DPYD: variants seen among roughly 807,000 people sequenced by gnomAD.
DPYD encodes dihydropyrimidine dehydrogenase.
DPYD carries 109 observed loss-of-function variants against 116.2 expected under a neutral mutation model. That is an observed-to-expected ratio of 0.94 (90% CI 0.80 to 1.10). The LOEUF is 1.10. DPYD is among the 50% of genes least tolerant of loss of function. The pLI is 0.00. For synonymous variants in DPYD, 440 were observed against 432.0 expected (o/e 1.02, Z -0.23); for missense variants, 1,302 against 1,254.5 (o/e 1.04, Z -0.57).
chr1:97,888,148 A>G (rs1249550714), intron 1 of DPYD, among the ~76,000 whole-genome samples: 2 of 152,106 alleles, frequency 1.3e-5, no homozygotes, highest in African/African-American at 2.4e-5. Flanking sequence ...CCATATACAG[A>G]TATAAATCAC....
rs1557956319 is a variant in DPYD at position 97,229,574 on chromosome 1, AT to A, written c.2442+5277del. On this transcript the variant is annotated intron_variant, in intron 19 of 22. Coordinates refer to ENST00000370192, the MANE Select transcript of DPYD (RefSeq NM_000110.4). ...TATATATATATATATATATATATATATATATATATATATATACTGATTTTAA... is the reference window on the plus strand; with the variant it reads ...TATATATATATATATATATATATATAATATATATATATATACTGATTTTAA... Among the ~76,000 whole-genome samples, 388 of 84,468 alleles carry A rather than the reference AT, an allele frequency of 4.6e-3. 7 individuals carry two copies. Among genetic ancestry groups the A allele is most frequent in the African/African-American group, 7.9e-3 (255 of 32,248 alleles). The allele number at this position is 84,468 out of a possible 152,430, so 55.4% of individuals were successfully genotyped here. A position where few individuals can be genotyped will look rare whatever the true frequency, so the allele number is the denominator to read the frequency against.
chr1:97,589,490 T>C (rs1312948084), intron 10 of DPYD, among the ~76,000 whole-genome samples: 1 of 152,190 alleles, frequency 6.6e-6, no homozygotes, highest in East Asian at 1.9e-4. Context: ...CTTGCTTTCC[T>C]CCATGATCGT....
chr1:97,680,173 C>G (rs778127937), intron 7 of DPYD, among the ~76,000 whole-genome samples: 1 of 152,018 alleles, frequency 6.6e-6, no homozygotes, highest in Non-Finnish European at 1.5e-5. Context: ...GAAGTAATCC[C>G]TACATTGGGT....
At chr1:97,327,716 T>G (rs1668777291) in intron 16 of DPYD, among the ~76,000 whole-genome samples, 1 of 152,032 alleles carries the variant, frequency 6.6e-6, no homozygotes, top group African/African-American at 2.4e-5. Flanking sequence ...ATATATTTCA[T>G]ATAATAATTT....
At chr1:97,333,401 T>C (rs1669121036) in intron 16 of DPYD, among the ~76,000 whole-genome samples, 2 of 152,172 alleles carry the variant, frequency 1.3e-5, no homozygotes, top group South Asian at 4.2e-4. Flanking sequence ...AGTTTCACCA[T>C]GTTGGCCAGG....
chr1:97,381,729 C>A (rs912692277), intron 15 of DPYD, among the ~76,000 whole-genome samples: 3 of 152,156 alleles, frequency 2.0e-5, no homozygotes, highest in African/African-American at 7.2e-5. Flanking sequence ...GGAACCCCAG[C>A]TAAGACTCTC....
chr1:97,521,477 T>C (rs1411819842), intron 12 of DPYD, among the ~76,000 whole-genome samples: 8 of 152,260 alleles, frequency 5.3e-5, no homozygotes, highest in African/African-American at 1.9e-4. Context: ...AAAATGGCCA[T>C]ACTGCCTAAA....
chr1:97,735,820 C>G (rs1273454073), intron 4 of DPYD, among the ~76,000 whole-genome samples: 1 of 151,486 alleles, frequency 6.6e-6, no homozygotes, highest in African/African-American at 2.4e-5. Flanking sequence ...ATAATTGTAG[C>G]TCAAAACTCA....
chr1:97,536,212 G>A (rs967893618), intron 12 of DPYD, among the ~76,000 whole-genome samples: 1 of 152,160 alleles, frequency 6.6e-6, no homozygotes, highest in African/African-American at 2.4e-5. Context: ...ACTTAGCATG[G>A]AAACAGCATT....
At chr1:97,852,999 C>T (rs1211058439) in intron 2 of DPYD, among the ~76,000 whole-genome samples, 1 of 152,140 alleles carries the variant, frequency 6.6e-6, no homozygotes, top group Non-Finnish European at 1.5e-5. Context: ...CACTTCTAGG[C>T]AGAAGTCTCC....
intron 8 of DPYD, among the ~76,000 whole-genome samples, chr1:97,637,505 C>G (rs368711505): frequency 6.6e-6 from 1 of 150,578 alleles, no homozygotes; most frequent in Admixed American, 6.6e-5. Flanking sequence ...GTTTTCCCCC[C>G]CTCAACAACA....
At chr1:97,645,441 A>C (rs1308817073) in intron 8 of DPYD, among the ~76,000 whole-genome samples, 2 of 152,086 alleles carry the variant, frequency 1.3e-5, no homozygotes, top group East Asian at 3.9e-4. Context: ...TAGTGAATGG[A>C]TCCAACTCCA....
intron 8 of DPYD, among the ~76,000 whole-genome samples, chr1:97,644,090 AG>A (rs1440972425): frequency 6.6e-6 from 1 of 152,146 alleles, no homozygotes; most frequent in Non-Finnish European, 1.5e-5. Context: ...AATAAAAAAA[AG>A]AAAATTGTAT....
intron 20 of DPYD, among the ~76,000 whole-genome samples, chr1:97,150,718 T>TTCTA (rs1461346875): frequency 5.3e-5 from 8 of 152,192 alleles, no homozygotes; most frequent in Non-Finnish European, 2.9e-5. Flanking sequence ...ACATGCTTCT[T>TTCTA]TCTAGGTCCT....
At chr1:97,451,352 G>A (rs1676402758) in intron 13 of DPYD, among the ~76,000 whole-genome samples, 1 of 152,128 alleles carries the variant, frequency 6.6e-6, no homozygotes, top group South Asian at 2.1e-4. Flanking sequence ...TGCTACAGTT[G>A]CAGAGGATAA....
At chr1:97,088,176 A>G (rs568682033) in intron 21 of DPYD, among the ~76,000 whole-genome samples, 1 of 152,286 alleles carries the variant, frequency 6.6e-6, no homozygotes, top group East Asian at 1.9e-4. Flanking sequence ...TTCAGGTTAG[A>G]GTTGCTGACT....
At chr1:97,410,614 T>C (rs1269931844) in intron 14 of DPYD, among the ~76,000 whole-genome samples, 1 of 152,184 alleles carries the variant, frequency 6.6e-6, no homozygotes, top group Admixed American at 6.5e-5. Flanking sequence ...GTAAAAAGCA[T>C]CATCTTTATA....
chr1:97,770,230 T>C (rs1256561684), intron 3 of DPYD, among the ~76,000 whole-genome samples: 2 of 151,964 alleles, frequency 1.3e-5, no homozygotes, highest in Non-Finnish European at 2.9e-5. Context: ...CAACAATTAA[T>C]TCATAAAAGT....
intron 16 of DPYD, among the ~76,000 whole-genome samples, chr1:97,371,858 T>C (rs1164237419): frequency 2.0e-5 from 3 of 152,206 alleles, no homozygotes; most frequent in African/African-American, 7.2e-5. Context: ...TTCCTAAATT[T>C]TTTTCAGCCA....
Sources: allele counts gnomAD v4.1 joint callset (sites outside exome capture counted in the v4.1 genomes callset), GRCh38; gene constraint gnomAD v4.1.1; transcripts MANE v1.5; gene names NCBI Gene and HGNC (gene_info 2026-07-23, HGNC 2026-07-21).